Variants in PDE3A observed in about 807,000 individuals in gnomAD.
PDE3A encodes cGMP-inhibited 3',5'-cyclic phosphodiesterase 3A.
A neutral mutation model predicts 98.3 loss-of-function variants in PDE3A; 43 were observed. The observed-to-expected ratio is 0.44, with a 90% CI of 0.34 to 0.56. The LOEUF is 0.56. PDE3A is among the 20% of genes least tolerant of loss of function. The pLI is 0.01. For missense variants in PDE3A, 1,427 were observed against 1,440.7 expected (o/e 0.99, Z 0.15); for synonymous variants, 663 against 567.9 (o/e 1.17, Z -2.38).
chr12:20,594,136 A>C (rs1350540991), intron 2 of PDE3A, among the ~76,000 whole-genome samples: 1 of 152,182 alleles, frequency 6.6e-6, no homozygotes, highest in Non-Finnish European at 1.5e-5. Flanking sequence ...AATAGATTAT[A>C]ATTTTTTAAA....
chr12:20,436,375 A>G (rs568923517), intron 1 of PDE3A, among the ~76,000 whole-genome samples: 2 of 152,294 alleles, frequency 1.3e-5, no homozygotes, highest in African/African-American at 4.8e-5. Context: ...TCTGTTCCCA[A>G]GGAAACATTT....
intron 1 of PDE3A, among the ~76,000 whole-genome samples, chr12:20,388,469 GT>G (rs1943853351): frequency 6.6e-6 from 1 of 151,882 alleles, no homozygotes; most frequent in South Asian, 2.1e-4. Context: ...GTGTCTTTTT[GT>G]TTTAGACGTG....
intron 1 of PDE3A, among the ~76,000 whole-genome samples, chr12:20,415,023 T>G (rs1477036119): frequency 1.3e-5 from 2 of 152,064 alleles, no homozygotes; most frequent in Non-Finnish European, 2.9e-5. Context: ...AGCACATTTT[T>G]TTTTTGCTTT....
At chr12:20,648,292 T>C (rs1944823632) in intron 12 of PDE3A, among the ~76,000 whole-genome samples, 1 of 150,008 alleles carries the variant, frequency 6.7e-6, no homozygotes. Context: ...TATATTTATA[T>C]TTACATATAT....
In PDE3A at chr12:20,514,756, T is replaced by C. The variant is rs552531683; in HGVS notation, c.961-41904T>C. ...GTGAAGCATAATAGAAAGCACATGG[T>C]TTTTGGAATTGAATTTGGCTTCCCA... is the stretch of plus-strand genomic sequence containing the variant. On this transcript the variant is annotated intron_variant, in intron 1 of 15. Coordinates refer to ENST00000359062, the MANE Select transcript of PDE3A (RefSeq NM_000921.5). Among the ~76,000 whole-genome samples, 5 of 152,270 alleles carry C rather than the reference T, an allele frequency of 3.3e-5. No homozygotes were observed. In the East Asian group the frequency reaches 9.6e-4, roughly 29 times the overall value.
At chr12:20,612,723 C>G (rs376969544) in intron 2 of PDE3A, among the ~76,000 whole-genome samples, 38 of 42,842 alleles carry the variant, frequency 8.9e-4, no homozygotes, top group Admixed American at 2.6e-3. Flanking sequence ...AAGTAATAAA[C>G]TATATGTAAG....
intron 2 of PDE3A, among the ~76,000 whole-genome samples, chr12:20,591,159 CT>C (rs550193310): frequency 1.3e-5 from 2 of 152,192 alleles, no homozygotes; most frequent in Non-Finnish European, 2.9e-5. Flanking sequence ...AAACCTAGGT[CT>C]CTTTTGTGTC....
chr12:20,650,696 A>AT (rs1045698537), intron 14 of PDE3A, 96 bp downstream of exon 14: 3 of 645,636 alleles, frequency 4.6e-6, no homozygotes, highest in Non-Finnish European at 7.5e-6. Flanking sequence ...TGATCACTCT[A>AT]TTTTATATTC....
At chr12:20,390,373 A>G (rs4762951) in intron 1 of PDE3A, among the ~76,000 whole-genome samples, 117,982 of 150,836 alleles carry the variant, frequency 0.78, 46,370 homozygotes, top group East Asian at 0.98. Context: ...ACGAGGAGGC[A>G]TTTAAGAGGG....
intron 15 of PDE3A, among the ~76,000 whole-genome samples, chr12:20,659,729 C>A (rs918750967): frequency 6.6e-6 from 1 of 152,250 alleles, no homozygotes; most frequent in East Asian, 1.9e-4. Flanking sequence ...CATGAGCCAC[C>A]ATAGCCAGCA....
intron 1 of PDE3A, among the ~76,000 whole-genome samples, chr12:20,474,518 G>C (rs1034193539): frequency 6.6e-6 from 1 of 152,146 alleles, no homozygotes; most frequent in Non-Finnish European, 1.5e-5. Context: ...TTCTCTTTCA[G>C]TTCTGGAAGG....
At chr12:20,417,285 C>T (rs6487084) in intron 1 of PDE3A, among the ~76,000 whole-genome samples, 94,070 of 151,964 alleles carry the variant, frequency 0.62, 30,863 homozygotes, top group East Asian at 0.88. Flanking sequence ...AAAGGTCATT[C>T]GAAGTCTTAT....
chr12:20,434,432 G>A (rs1265027363), intron 1 of PDE3A, among the ~76,000 whole-genome samples: 1 of 152,114 alleles, frequency 6.6e-6, no homozygotes, highest in Admixed American at 6.6e-5. Flanking sequence ...GAGAGCCAGG[G>A]AGGCTGTTTA....
Position 20,369,211 on chromosome 12 carries a change from G to A in PDE3A, c.-74G>A. 1 of 863,144 alleles carries A rather than the reference G, an allele frequency of 1.2e-6. No homozygotes were observed. The highest frequency in any genetic ancestry group is 1.6e-6 in the Non-Finnish European group (1 of 607,844). The allele number at this position is 863,144 out of a possible 1,614,324, so 53.5% of individuals were successfully genotyped here. ...CGTGCGTGTGTGTGTGTGTGTGTGT[G>A]CGCGCGCGCGCGTGGGTCGGGGCGG... On this transcript the variant is annotated 5_prime_UTR_variant, in exon 1 of 16. Transcript: ENST00000359062.
chr12:20,572,100 T>C (rs1942814267), intron 2 of PDE3A: 3 of 1,258,036 alleles, frequency 2.4e-6, no homozygotes, highest in South Asian at 2.7e-5. Context: ...ATCTGAACTT[T>C]AAAGAACATC....
intron 1 of PDE3A, among the ~76,000 whole-genome samples, chr12:20,381,319 A>G (rs1430375238): frequency 6.6e-6 from 1 of 151,912 alleles, no homozygotes; most frequent in Non-Finnish European, 1.5e-5. Flanking sequence ...AAACCACCAT[A>G]AAAATGAGTG....
intron 1 of PDE3A, among the ~76,000 whole-genome samples, chr12:20,457,148 G>A (rs1458746930): frequency 6.6e-6 from 1 of 151,920 alleles, no homozygotes; most frequent in Non-Finnish European, 1.5e-5. Context: ...CAAGGACATT[G>A]GCAAAGGAAT....
At chr12:20,433,195 A>G (rs1591926774) in intron 1 of PDE3A, among the ~76,000 whole-genome samples, 2 of 152,182 alleles carry the variant, frequency 1.3e-5, no homozygotes. Flanking sequence ...GGATCACTGT[A>G]TAACCAAACT....
intron 1 of PDE3A, among the ~76,000 whole-genome samples, chr12:20,443,369 C>T (rs1428206825): frequency 6.6e-6 from 1 of 152,062 alleles, no homozygotes; most frequent in East Asian, 1.9e-4. Flanking sequence ...GGGGATATGG[C>T]TGACAGGAGG....
Sources: gnomAD v4.1 joint callset for allele counts (sites outside exome capture counted in the v4.1 genomes callset) on GRCh38, gnomAD v4.1.1 for gene constraint, MANE v1.5 for transcripts, NCBI Gene and HGNC (gene_info 2026-07-23, HGNC 2026-07-21) for gene names.